ZNF521: variants seen among roughly 807,000 people sequenced by gnomAD.
ZNF521 encodes the protein LYST-interacting protein 3.
A neutral mutation model predicts 105.5 loss-of-function variants in ZNF521; 14 were observed. That is an observed-to-expected ratio of 0.13 (90% CI 0.09 to 0.21). The LOEUF is 0.21. Among genes scored for constraint, ZNF521 ranks in the 10% least tolerant of loss-of-function variants. The pLI, the probability that ZNF521 is intolerant of heterozygous loss-of-function variation, is 1.00. For synonymous variants in ZNF521, 635 were observed against 606.0 expected (o/e 1.05, Z -0.70); for missense variants, 1,233 against 1,629.7 (o/e 0.76, Z 4.19).
intron 5 of ZNF521, among the ~76,000 whole-genome samples, chr18:25,098,377 T>C (rs921492309): frequency 1.3e-5 from 2 of 152,074 alleles, no homozygotes; most frequent in African/African-American, 2.4e-5. Flanking sequence ...ATGGACCCCA[T>C]GGTTGAAGTC....
In ZNF521 at chr18:25,320,754, T is replaced by G. The variant is rs1268483457; in HGVS notation, c.220+1254A>C. Among the ~76,000 whole-genome samples, 3 of 152,142 alleles carry G rather than the reference T, an allele frequency of 2.0e-5. No individual in the cohort carries two copies. The East Asian group carries it at 5.8e-4, about 29-fold the overall frequency. ...GGAATTGTATCAAAATAAAAGTTGC[T>G]CCCTAGAAGCATATATAAACTGTAA... On this transcript the variant is annotated intron_variant, in intron 3 of 7. Transcript: ENST00000361524.
chr18:25,333,090 A>G (rs111711840), intron 2 of ZNF521, among the ~76,000 whole-genome samples: 3 of 151,896 alleles, frequency 2.0e-5, no homozygotes, highest in African/African-American at 7.2e-5. Context: ...ATATACATAT[A>G]TACTAGAGTA....
chr18:25,232,813 T>C (rs1906624843), intron 3 of ZNF521, among the ~76,000 whole-genome samples: 1 of 152,220 alleles, frequency 6.6e-6, no homozygotes, highest in African/African-American at 2.4e-5. Context: ...AAATTTTTTT[T>C]TGAGGCTCAA....
intron 3 of ZNF521, among the ~76,000 whole-genome samples, chr18:25,280,384 T>C (rs1910288434): frequency 1.3e-5 from 2 of 152,054 alleles, no homozygotes; most frequent in South Asian, 4.1e-4. Context: ...ACCCTCTCTT[T>C]TGGTTTTCAT....
intron 3 of ZNF521, among the ~76,000 whole-genome samples, chr18:25,301,337 G>T (rs1911630997): frequency 6.6e-6 from 1 of 152,208 alleles, no homozygotes; most frequent in African/African-American, 2.4e-5. Context: ...AAAAGGCAGA[G>T]AAGTGCCTGC....
intron 5 of ZNF521, among the ~76,000 whole-genome samples, chr18:25,147,508 G>A (rs961793407): frequency 7.9e-5 from 12 of 152,100 alleles, no homozygotes; most frequent in Non-Finnish European, 1.6e-4. Context: ...AGTTAACCAG[G>A]TTTCATGCAG....
At chr18:25,090,324 T>C (rs1292463252) in intron 6 of ZNF521, among the ~76,000 whole-genome samples, 1 of 152,180 alleles carries the variant, frequency 6.6e-6, no homozygotes, top group Non-Finnish European at 1.5e-5. Context: ...TATTAATCTG[T>C]ATAGGCAGGG....
intron 4 of ZNF521, among the ~76,000 whole-genome samples, chr18:25,223,495 C>T (rs1905873132): frequency 6.6e-6 from 1 of 152,138 alleles, no homozygotes; most frequent in Admixed American, 6.5e-5. Flanking sequence ...TTGGATGGAT[C>T]TCCAGATAGG....
chr18:25,270,591 C>T (rs1464446951), intron 3 of ZNF521, among the ~76,000 whole-genome samples: 2 of 152,162 alleles, frequency 1.3e-5, no homozygotes, highest in Non-Finnish European at 2.9e-5. Flanking sequence ...ATCAAGCCAG[C>T]TTCATCCCTG....
At chr18:25,222,028 A>T (rs1188355909) in intron 4 of ZNF521, among the ~76,000 whole-genome samples, 3 of 152,132 alleles carry the variant, frequency 2.0e-5, no homozygotes, top group Non-Finnish European at 2.9e-5. Context: ...TAAAATGTTG[A>T]ACAAATTAGT....
chr18:25,254,171 T>C lies in ZNF521; in HGVS notation c.221-26474A>G, dbSNP rs192889339. Reference sequence around the variant, plus strand: ...TCTATATCAACTTCACCAGCATATATGGATACTGGGGAATAATTGTGGGAC... The same window carrying C: ...TCTATATCAACTTCACCAGCATATACGGATACTGGGGAATAATTGTGGGAC... On this transcript the variant is annotated intron_variant, in intron 3 of 7. Coordinates refer to ENST00000361524, the MANE Select transcript of ZNF521 (RefSeq NM_015461.3). Among the ~76,000 whole-genome samples, 159 of 152,234 alleles carry C rather than the reference T, an allele frequency of 1.0e-3. 1 individual carries two copies. Among genetic ancestry groups the C allele is most frequent in the Non-Finnish European group, 1.6e-3 (107 of 67,980 alleles).
chr18:25,242,768 A>C (rs1330150156), intron 3 of ZNF521, among the ~76,000 whole-genome samples: 1 of 152,148 alleles, frequency 6.6e-6, no homozygotes, highest in Non-Finnish European at 1.5e-5. Context: ...CAAAATGGAG[A>C]GAGTGGGAGA....
At chr18:25,220,570 T>G (rs1037612473) in intron 4 of ZNF521, among the ~76,000 whole-genome samples, 1 of 152,208 alleles carries the variant, frequency 6.6e-6, no homozygotes, top group Non-Finnish European at 1.5e-5. Context: ...TTTTCTTGTC[T>G]GTAAAATAAA....
At chr18:25,082,662 C>G in intron 7 of ZNF521, 1 of 414,618 alleles carries the variant, frequency 2.4e-6, no homozygotes, top group Non-Finnish European at 4.7e-6. Flanking sequence ...ATGGTGAAAC[C>G]CCATCTCTAC....
At chr18:25,235,278 G>A (rs1320818875) in intron 3 of ZNF521, among the ~76,000 whole-genome samples, 1 of 152,122 alleles carries the variant, frequency 6.6e-6, no homozygotes, top group Non-Finnish European at 1.5e-5. Context: ...TATACGTACT[G>A]AGCTTTGAAG....
intron 5 of ZNF521, among the ~76,000 whole-genome samples, chr18:25,175,906 T>C (rs1221811203): frequency 6.6e-6 from 1 of 152,250 alleles, no homozygotes; most frequent in Non-Finnish European, 1.5e-5. Flanking sequence ...TACAAAATTA[T>C]GAATTGTTTA....
chr18:25,346,303 A>G (rs1457247815), intron 2 of ZNF521, among the ~76,000 whole-genome samples: 1 of 151,904 alleles, frequency 6.6e-6, no homozygotes, highest in Non-Finnish European at 1.5e-5. Flanking sequence ...GTTATACTTC[A>G]CCTGTCTACC....
chr18:25,103,630 C>T (rs1279231142), intron 5 of ZNF521, among the ~76,000 whole-genome samples: 1 of 152,144 alleles, frequency 6.6e-6, no homozygotes, highest in Non-Finnish European at 1.5e-5. Context: ...ACACTGTATG[C>T]TGAAGCCAAG....
chr18:25,081,327 G>C (rs901993398), intron 7 of ZNF521, among the ~76,000 whole-genome samples: 27 of 152,204 alleles, frequency 1.8e-4, no homozygotes, highest in African/African-American at 6.3e-4. Context: ...AGAATGAAGA[G>C]GTGGTGCTCC....
Sources: gnomAD v4.1 joint callset for allele counts (sites outside exome capture counted in the v4.1 genomes callset) on GRCh38, gnomAD v4.1.1 for gene constraint, MANE v1.5 for transcripts, NCBI Gene and HGNC (gene_info 2026-07-23, HGNC 2026-07-21) for gene names.